The following FRMD6 variants were observed in gnomAD, a reference collection of about 807,000 sequenced individuals.
FRMD6 encodes the protein FERM domain containing 6.
Under a neutral mutation model 73.2 loss-of-function variants are expected in FRMD6, and 37 were observed. That is an observed-to-expected ratio of 0.51 (90% CI 0.39 to 0.66). The LOEUF is 0.66. FRMD6 is among the 30% of genes least tolerant of loss of function. The pLI is 0.00. For synonymous variants in FRMD6, 273 were observed against 282.2 expected (o/e 0.97, Z 0.33); for missense variants, 714 against 780.5 (o/e 0.91, Z 1.02).
chr14:51,434,738 C>G, the FRMD6 span, among the ~76,000 whole-genome samples: 5 of 151,936 alleles, frequency 3.3e-5, no homozygotes, highest in Non-Finnish European at 5.9e-5. Context: ...AAATTTTCTC[C>G]TAATTATTAC....
chr14:51,596,722 A>G (rs1215940303), intron 2 of FRMD6, among the ~76,000 whole-genome samples: 2 of 152,146 alleles, frequency 1.3e-5, no homozygotes, highest in Admixed American at 6.6e-5. Context: ...TTGGTGGGTG[A>G]GAGTTACTCT....
chr14:51,636,990 G>T (rs973680423), intron 2 of FRMD6, among the ~76,000 whole-genome samples: 3 of 152,198 alleles, frequency 2.0e-5, no homozygotes, highest in African/African-American at 4.8e-5. Context: ...TTGGGAGGTT[G>T]AGGTGGGAGG....
chr14:51,631,922 C>T (rs568828727), intron 2 of FRMD6, among the ~76,000 whole-genome samples: 2 of 152,268 alleles, frequency 1.3e-5, no homozygotes, highest in African/African-American at 2.4e-5. Context: ...TAGCATAGAT[C>T]GATGTTCTTC....
the FRMD6 span, among the ~76,000 whole-genome samples, chr14:51,434,250 C>T: frequency 5.3e-5 from 8 of 152,142 alleles, no homozygotes; most frequent in East Asian, 1.4e-3. Flanking sequence ...ATTTTCTATA[C>T]CTCATGACAT....
intron 6 of FRMD6, 35 bp downstream of exon 6, chr14:51,704,970 C>A: frequency 6.4e-7 from 1 of 1,569,304 alleles, no homozygotes; most frequent in Non-Finnish European, 8.7e-7. Flanking sequence ...AGAGTGTTTT[C>A]TCTCGGGCAT....
chr14:51,638,491 G>A (rs1891672120), intron 2 of FRMD6, among the ~76,000 whole-genome samples: 1 of 152,166 alleles, frequency 6.6e-6, no homozygotes. Flanking sequence ...AGCCACAGCT[G>A]ACAGATGAGC....
intron 1 of FRMD6, among the ~76,000 whole-genome samples, chr14:51,539,476 G>C (rs1434772029): frequency 6.6e-6 from 1 of 152,122 alleles, no homozygotes; most frequent in Non-Finnish European, 1.5e-5. Flanking sequence ...TGCTTAACAA[G>C]CATTTTTTGA....
At chr14:51,564,686 C>G (rs1265811385) in intron 1 of FRMD6, among the ~76,000 whole-genome samples, 1 of 152,166 alleles carries the variant, frequency 6.6e-6, no homozygotes, top group Non-Finnish European at 1.5e-5. Context: ...TTTGGAAAGG[C>G]CTCGGGGCAA....
At chr14:51,578,248 A>G (rs1888513241) in intron 2 of FRMD6, among the ~76,000 whole-genome samples, 1 of 152,176 alleles carries the variant, frequency 6.6e-6, no homozygotes, top group South Asian at 2.1e-4. Flanking sequence ...TGGTTATCAT[A>G]GTAATCCTGA....
chr14:51,647,217 C>T (rs960640673), upstream of FRMD6, among the ~76,000 whole-genome samples: 1 of 151,690 alleles, frequency 6.6e-6, no homozygotes, highest in East Asian at 1.9e-4. Flanking sequence ...TTAATTTTTT[C>T]AACTCTGTAT....
chr14:51,598,171 AAATT>A (rs1319421085), intron 2 of FRMD6, among the ~76,000 whole-genome samples: 3 of 152,206 alleles, frequency 2.0e-5, no homozygotes, highest in Non-Finnish European at 4.4e-5. Flanking sequence ...AGAGGAGAAA[AAATT>A]AAAGAAAACT....
intron 1 of FRMD6, among the ~76,000 whole-genome samples, chr14:51,503,988 ACTT>A (rs937737654): frequency 1.3e-4 from 20 of 152,124 alleles, no homozygotes; most frequent in African/African-American, 3.9e-4. Context: ...GAATGTATCC[ACTT>A]CTTCTAGATT....
intron 2 of FRMD6, among the ~76,000 whole-genome samples, chr14:51,632,274 TTGGGAACATCCTTATA>T (rs1442343029): frequency 6.6e-6 from 1 of 152,226 alleles, no homozygotes; most frequent in Non-Finnish European, 1.5e-5. Context: ...TTACCCAGTC[TTGGGAACATCCTTATA>T]GCAGCGTGAG....
chr14:51,536,664 G>A (rs56275529), intron 1 of FRMD6, among the ~76,000 whole-genome samples: 366 of 152,100 alleles, frequency 2.4e-3, no homozygotes, highest in Non-Finnish European at 4.0e-3. Flanking sequence ...TGATCTGCCC[G>A]CCTTGGCCTC....
intron 1 of FRMD6, among the ~76,000 whole-genome samples, chr14:51,570,023 G>A (rs1468775251): frequency 9.2e-5 from 14 of 151,972 alleles, no homozygotes; most frequent in Non-Finnish European, 2.1e-4. Context: ...CACCATGTTA[G>A]CCAGGATGGT....
At chr14:51,513,769 A>G (rs1230187120) in intron 1 of FRMD6, among the ~76,000 whole-genome samples, 1 of 151,914 alleles carries the variant, frequency 6.6e-6, no homozygotes, top group Non-Finnish European at 1.5e-5. Flanking sequence ...GTCTCCCTGT[A>G]TCCATCCCAT....
chr14:51,443,080 G>T, the FRMD6 span, among the ~76,000 whole-genome samples: 5 of 152,146 alleles, frequency 3.3e-5, no homozygotes, highest in Non-Finnish European at 5.9e-5. Flanking sequence ...TTAATCTTAC[G>T]TGCATCATCC....
the FRMD6 span, among the ~76,000 whole-genome samples, chr14:51,452,840 G>T: frequency 4.6e-5 from 7 of 152,202 alleles, no homozygotes; most frequent in Non-Finnish European, 8.8e-5. Context: ...CTCAAAGCAT[G>T]AGCAGTCATT....
At chr14:51,645,188 C>T (rs74052650) in intron 2 of FRMD6, among the ~76,000 whole-genome samples, 3 of 152,296 alleles carry the variant, frequency 2.0e-5, no homozygotes, top group East Asian at 3.9e-4. Flanking sequence ...CAAGCCAAAT[C>T]AAAATGAATG....
Sources: allele counts gnomAD v4.1 joint callset (sites outside exome capture counted in the v4.1 genomes callset), GRCh38; gene constraint gnomAD v4.1.1; transcripts MANE v1.5; gene names NCBI Gene and HGNC (gene_info 2026-07-23, HGNC 2026-07-21).